GPD1L: variants seen among roughly 807,000 people sequenced by gnomAD.
The protein encoded by GPD1L is glycerol-3-phosphate dehydrogenase 1-like protein.
In GPD1L, 17 loss-of-function variants were observed where a neutral mutation model predicts 32.9. The ratio of observed to expected loss-of-function variants is 0.52; its 90% CI spans 0.35 to 0.78. GPD1L has a LOEUF of 0.78. Among genes scored for constraint, GPD1L ranks in the 30% least tolerant of loss-of-function variants. The probability of loss-of-function intolerance (pLI) is 0.01; values close to 1 mark genes in which losing one functional copy is unlikely to be tolerated. For synonymous variants in GPD1L, 187 were observed against 165.9 expected (o/e 1.13, Z -0.98); for missense variants, 361 against 447.8 (o/e 0.81, Z 1.75).
intron 5 of GPD1L, 139 bp from the exon 6 acceptor site, chr3:32,158,737 C>T: frequency 6.6e-7 from 1 of 1,524,266 alleles, no homozygotes; most frequent in Non-Finnish European, 8.8e-7. Flanking sequence ...TGTACAAGAG[C>T]AGAGCCCGGC....
At chr3:32,122,881 T>A (rs1700442507) in intron 1 of GPD1L, among the ~76,000 whole-genome samples, 1 of 152,244 alleles carries the variant, frequency 6.6e-6, no homozygotes, top group Non-Finnish European at 1.5e-5. Context: ...ATTTGATTGC[T>A]ATTCTTTCTT....
intron 5 of GPD1L, among the ~76,000 whole-genome samples, chr3:32,149,507 G>T (rs2125492415): frequency 6.6e-6 from 1 of 152,262 alleles, no homozygotes; most frequent in East Asian, 1.9e-4. Flanking sequence ...CTCTCTACAA[G>T]GATAAAATAG....
At chr3:32,156,999 T>C (rs376416684) in intron 5 of GPD1L, among the ~76,000 whole-genome samples, 3 of 152,142 alleles carry the variant, frequency 2.0e-5, no homozygotes, top group East Asian at 3.9e-4. Flanking sequence ...TATTTGCTTT[T>C]TGGGGGGCAT....
chr3:32,167,226 A>G lies in GPD1L; in HGVS notation c.*1316A>G, dbSNP rs1701160531. 6.6e-6 allele frequency: 1 copy of G among 152,176 alleles called. No individual in the cohort carries two copies. The highest frequency in any genetic ancestry group is 1.5e-5 in the Non-Finnish European group (1 of 68,032). The allele number at this position is 152,176 out of a possible 1,614,324, so 9.4% of individuals were successfully genotyped here. ...AGGTCAAGTGAGTCTGGGAAACACT[A>G]TGTCTGTACACCTCTTGAAGGTGTC... On this transcript the variant is annotated 3_prime_UTR_variant, in exon 8 of 8. Transcript: ENST00000282541.
At chr3:32,156,689 CTGTT>C (rs1005938761) in intron 5 of GPD1L, among the ~76,000 whole-genome samples, 2 of 152,070 alleles carry the variant, frequency 1.3e-5, no homozygotes, top group African/African-American at 4.8e-5. Flanking sequence ...ATGACCAAGT[CTGTT>C]TGTCATGGTG....
chr3:32,144,984 A>G (rs1282161895), intron 4 of GPD1L, among the ~76,000 whole-genome samples: 2 of 150,958 alleles, frequency 1.3e-5, no homozygotes, highest in Non-Finnish European at 3.0e-5. Flanking sequence ...GATTACAGGC[A>G]TGAGCCACCG....
intron 5 of GPD1L, among the ~76,000 whole-genome samples, chr3:32,150,481 CT>C (rs1166516561): frequency 6.8e-6 from 1 of 147,928 alleles, no homozygotes; most frequent in African/African-American, 2.5e-5. Flanking sequence ...GTCTAGTGGT[CT>C]TTTTTTTCTT....
intron 4 of GPD1L, among the ~76,000 whole-genome samples, chr3:32,142,842 C>T (rs75297575): frequency 0.028 from 4,265 of 152,084 alleles, 309 homozygotes; most frequent in East Asian, 0.26. Flanking sequence ...TTTCTTTACC[C>T]GGTGCTTCTA....
At chr3:32,140,571 A>G (rs1302736669) in intron 4 of GPD1L, among the ~76,000 whole-genome samples, 7 of 152,218 alleles carry the variant, frequency 4.6e-5, no homozygotes, top group Admixed American at 4.6e-4. Flanking sequence ...AATGAATATA[A>G]ATGAATATAG....
intron 1 of GPD1L, among the ~76,000 whole-genome samples, chr3:32,107,620 TG>T (rs1204490535): frequency 6.6e-6 from 1 of 152,198 alleles, no homozygotes; most frequent in Non-Finnish European, 1.5e-5. Flanking sequence ...TTAAGAGTGA[TG>T]ATGTCCTTTC....
chr3:32,109,485 C>T (rs757097842), intron 1 of GPD1L, among the ~76,000 whole-genome samples: 9 of 152,164 alleles, frequency 5.9e-5, no homozygotes, highest in Non-Finnish European at 1.5e-5. Flanking sequence ...TAGAACTTGG[C>T]CAGTGATACT....
At chr3:32,159,133 C>T (rs1365961830) in intron 6 of GPD1L, 24 bp downstream of exon 6, 1 of 1,552,148 alleles carries the variant, frequency 6.4e-7, no homozygotes. Flanking sequence ...TGCTCTCCCG[C>T]ACCCCCTCCT....
Position 32,146,700 on chromosome 3 carries a change from A to T in GPD1L, c.584A>T (p.Asp195Val). The T allele has an allele frequency of 6.2e-7, 1 of 1,612,628 alleles. No individual in the cohort carries two copies. The highest frequency in any genetic ancestry group is 8.5e-7 in the Non-Finnish European group (1 of 1,178,588). Residue 195 changes from aspartate (D) to valine (V), a missense_variant, in exon 5 of 8, where the codon GAT becomes GTT. Transcript: ENST00000282541. ...AATTTTCGAATTACCGTGGTTGATG[A>T]TGCAGACACTGTTGAACTCTGTGGT... Reference protein sequence around the residue: ...TPNFRITVVDDADTVELCGAL... With the variant: ...TPNFRITVVDVADTVELCGAL...
chr3:32,165,277 C>T (rs1443611429), intron 7 of GPD1L, among the ~76,000 whole-genome samples: 3 of 151,638 alleles, frequency 2.0e-5, no homozygotes, highest in African/African-American at 7.3e-5. Flanking sequence ...TATCTGTATT[C>T]ACATCTTGGA....
intron 5 of GPD1L, among the ~76,000 whole-genome samples, chr3:32,149,907 C>T (rs543895833): frequency 5.1e-4 from 77 of 151,316 alleles, no homozygotes; most frequent in African/African-American, 1.8e-3. Context: ...CAAGATCGTG[C>T]CACTGCACTC....
chr3:32,151,322 T>A lies in GPD1L; in HGVS notation c.618+4588T>A, dbSNP rs1700916295. 4.6e-6 allele frequency: 3 copies of A among 658,658 alleles called. No individual in the cohort carries two copies. In the South Asian group the frequency reaches 5.1e-5, roughly 11 times the overall value. 40.8% of individuals were successfully genotyped at this position (658,658 alleles called of 1,614,324 possible). On this transcript the variant is annotated intron_variant, in intron 5 of 7. Coordinates refer to ENST00000282541, the MANE Select transcript of GPD1L (RefSeq NM_015141.4). Reference sequence around the variant, plus strand: ...TCTTGGCAAGAATCTTGCCCTTAACTTGTTTACCACAATGCCAGCAGCATG... The same window carrying A: ...TCTTGGCAAGAATCTTGCCCTTAACATGTTTACCACAATGCCAGCAGCATG...
At chr3:32,135,720 TG>T (rs1700652233) in intron 2 of GPD1L, among the ~76,000 whole-genome samples, 1 of 152,188 alleles carries the variant, frequency 6.6e-6, no homozygotes, top group Non-Finnish European at 1.5e-5. Flanking sequence ...CCCCAAGTGC[TG>T]GGATTATTAC....
At chr3:32,149,219 C>T (rs749343224) in intron 5 of GPD1L, among the ~76,000 whole-genome samples, 5 of 152,080 alleles carry the variant, frequency 3.3e-5, no homozygotes, top group South Asian at 4.1e-4. Context: ...GCTGCCATGC[C>T]CGACTAATTT....
Position 32,138,612 on chromosome 3 carries a change from C to T in GPD1L, c.251C>T (p.Ala84Val). 8 of 1,614,016 alleles carry T rather than the reference C, an allele frequency of 5.0e-6. No individual in the cohort carries two copies. The highest frequency in any genetic ancestry group is 6.8e-6 in the Non-Finnish European group (8 of 1,179,906). ...GTTGCCATGTCAAATCTTAGCGAGG[C>T]TGTGCAGGATGCAGACCTGCTGGTG... ...NVVAMSNLSE[A>V]VQDADLLVFV... The change falls in exon 3 of 8, where the codon GCT (alanine) becomes GTT (valine). Residue 84 changes from alanine to valine, a missense_variant. Physicochemically the swap from Ala to Val is moderately conservative, Grantham distance 64. Coordinates refer to ENST00000282541, the MANE Select transcript of GPD1L (RefSeq NM_015141.4).
Sources: gnomAD v4.1 joint callset for allele counts (sites outside exome capture counted in the v4.1 genomes callset) on GRCh38, gnomAD v4.1.1 for gene constraint, MANE v1.5 for transcripts, NCBI Gene and HGNC (gene_info 2026-07-23, HGNC 2026-07-21) for gene names.